The following EXPH5 variants were observed in gnomAD, a reference collection of about 807,000 sequenced individuals.
EXPH5 encodes the protein exophilin-5.
In EXPH5, 42 loss-of-function variants were observed where a neutral mutation model predicts 41.1. That is an observed-to-expected ratio of 1.02 (90% CI 0.80 to 1.32). EXPH5 has a LOEUF of 1.32. EXPH5 is among the 40% of genes most tolerant of loss of function. EXPH5 has a pLI of 0.00. For synonymous variants in EXPH5, 798 were observed against 833.5 expected (o/e 0.96, Z 0.73); for missense variants, 2,298 against 2,314.5 (o/e 0.99, Z 0.15).
rs2093687251 is a variant in EXPH5, at chr11:108,512,160, G to C, written c.3347C>G (p.Pro1116Arg). The part of the protein sequence containing the change: ...GSTSVRKGPL[P>R]FLINRAMSCP... ...TGACATAGCCCTGTTGATGAGGAAT[G>C]GAAGTGGTCCTTTTCTAACGGAAGT... Residue 1116 changes from proline to arginine, a missense_variant, in exon 6 of 6, where the codon CCA becomes CGA. Pro to Arg is a moderately radical substitution (Grantham distance 103, BLOSUM62 -2). Transcript: ENST00000265843. 1 of 1,612,712 alleles carries C rather than the reference G, an allele frequency of 6.2e-7. No homozygotes were observed. The highest frequency in any genetic ancestry group is 8.5e-7 in the Non-Finnish European group (1 of 1,179,520).
At chr11:108,542,624 G>A (rs12269879) in intron 1 of EXPH5, among the ~76,000 whole-genome samples, 4,152 of 152,214 alleles carry the variant, frequency 0.027, 176 homozygotes, top group African/African-American at 0.091. Flanking sequence ...ATTCAACAGT[G>A]AATGTAAAAA....
At chr11:108,603,146 A>G in the EXPH5 span, among the ~76,000 whole-genome samples, 2 of 152,266 alleles carry the variant, frequency 1.3e-5, no homozygotes, top group East Asian at 3.9e-4. Context: ...CTCCCCAGCC[A>G]TGTGGAACTG....
At chr11:108,555,863 G>T (rs565471624) in intron 1 of EXPH5, among the ~76,000 whole-genome samples, 1 of 152,150 alleles carries the variant, frequency 6.6e-6, no homozygotes, top group South Asian at 2.1e-4. Flanking sequence ...ATGCGTAACT[G>T]TGAGTCAATC....
At chr11:108,533,188 G>T (rs570546206) in intron 3 of EXPH5, among the ~76,000 whole-genome samples, 1 of 150,248 alleles carries the variant, frequency 6.7e-6, no homozygotes, top group Non-Finnish European at 1.5e-5. Flanking sequence ...CATTTGTTAG[G>T]TTCTCATGAG....
At chr11:108,594,176 C>A (rs1278341456), upstream of EXPH5, among the ~76,000 whole-genome samples, 1 of 152,188 alleles carries the variant, frequency 6.6e-6, no homozygotes, top group Non-Finnish European at 1.5e-5. Flanking sequence ...AATTACACTA[C>A]TGACTGTGGA....
Position 108,590,244 on chromosome 11 carries a change from G to A in EXPH5, c.119+3174C>T, listed in dbSNP as rs186392656. ...TTTTTTTTTCTGTCATTTTTAAAGG[G>A]GCAGCATGGTATCTCAAGGTTACTT... On this transcript the variant is annotated intron_variant, in intron 1 of 5. Coordinates refer to ENST00000265843, the MANE Select transcript of EXPH5 (RefSeq NM_015065.3). 2.0e-3 allele frequency among the ~76,000 whole-genome samples: 311 copies of A among 152,034 alleles called. 2 individuals are homozygous for A. Among genetic ancestry groups the A allele is most frequent in the African/African-American group, 7.3e-3 (304 of 41,468 alleles).
chr11:108,558,799 A>C (rs1398776881), intron 1 of EXPH5, among the ~76,000 whole-genome samples: 1 of 152,224 alleles, frequency 6.6e-6, no homozygotes, highest in Non-Finnish European at 1.5e-5. Context: ...GGAGGCGGAA[A>C]GTTTACACTG....
Position 108,506,607 on chromosome 11 carries a change from C to A in EXPH5, c.*2930G>T, listed in dbSNP as rs920492158. ...TTTGAAAGCTGATCATTAAAAAAAT[C>A]AAGAACCTCAATATTAAAATATTAA... On this transcript the variant is annotated 3_prime_UTR_variant, in exon 6 of 6. Coordinates refer to ENST00000265843, the MANE Select transcript of EXPH5 (RefSeq NM_015065.3). 6.6e-6 allele frequency: 1 copy of A among 152,050 alleles called. No homozygotes were observed. The highest frequency in any genetic ancestry group is 2.4e-5 in the African/African-American group (1 of 41,408). The allele number at this position is 152,050 out of a possible 1,614,324, so 9.4% of individuals were successfully genotyped here. A position where few individuals can be genotyped will look rare whatever the true frequency, so the allele number is the denominator to read the frequency against.
chr11:108,607,472 C>T, the EXPH5 span, among the ~76,000 whole-genome samples: 1 of 152,140 alleles, frequency 6.6e-6, no homozygotes, highest in Non-Finnish European at 1.5e-5. Flanking sequence ...CTTGTCATTG[C>T]TGGTACTTAC....
intron 3 of EXPH5, among the ~76,000 whole-genome samples, chr11:108,529,308 G>A (rs2093821299): frequency 6.6e-6 from 1 of 152,052 alleles, no homozygotes; most frequent in African/African-American, 2.4e-5. Flanking sequence ...TTAAGGCCTA[G>A]GCCCAGAATT....
chr11:108,576,330 T>C (rs1049214242), intron 1 of EXPH5, among the ~76,000 whole-genome samples: 2 of 152,266 alleles, frequency 1.3e-5, no homozygotes, highest in South Asian at 4.1e-4. Flanking sequence ...AGACAAAAAT[T>C]ATATAATTCC....
chr11:108,580,117 C>T (rs1029818525), intron 1 of EXPH5, among the ~76,000 whole-genome samples: 17 of 152,092 alleles, frequency 1.1e-4, no homozygotes, highest in African/African-American at 4.1e-4. Context: ...AAAAGATAAC[C>T]TGCAGAGTGG....
intron 1 of EXPH5, among the ~76,000 whole-genome samples, chr11:108,543,642 T>C (rs937018601): frequency 1.3e-5 from 2 of 152,210 alleles, no homozygotes; most frequent in African/African-American, 4.8e-5. Flanking sequence ...ATCTGTGAAG[T>C]GGCAGATTTG....
In EXPH5 at chr11:108,510,878, T is replaced by TAATTTGC; in HGVS notation, c.4628_4629insGCAAATT (p.Ser1544GlnfsTer15). The stretch of plus-strand genomic sequence containing the variant: ...TCTCTGTCATATTTGCCTCCTGACT[T>TAATTTGC]CTTTGAGGTAATTCTCTTGGTTCAG... On this transcript the variant is annotated frameshift_variant, in exon 6 of 6. Coordinates refer to ENST00000265843, the MANE Select transcript of EXPH5 (RefSeq NM_015065.3). LOFTEE classifies it low-confidence loss of function (END_TRUNC). The TAATTTGC allele has an allele frequency of 3.1e-6, 5 of 1,614,214 alleles. No homozygotes were observed. Among genetic ancestry groups the TAATTTGC allele is most frequent in the Non-Finnish European group, 4.2e-6 (5 of 1,180,032 alleles).
Position 108,573,139 on chromosome 11 carries a change from G to A in EXPH5, c.119+20279C>T, listed in dbSNP as rs374296776. 3.9e-3 allele frequency among the ~76,000 whole-genome samples: 357 copies of A among 90,388 alleles called. 3 individuals are homozygous for A. Among genetic ancestry groups the A allele is most frequent in the South Asian group, 3.0e-3 (7 of 2,332 alleles). 59.3% of individuals were successfully genotyped at this position (90,388 alleles called of 152,430 possible). A position where few individuals can be genotyped will look rare whatever the true frequency, so the allele number is the denominator to read the frequency against. On this transcript the variant is annotated intron_variant, in intron 1 of 5. Transcript: ENST00000265843. ...AAAAAGAAAAGAAGGAAGGAAAGAA[G>A]GAAAGAAAGAAAGAAAGAAAGAAAG...
chr11:108,548,720 C>T (rs1011495555), intron 1 of EXPH5, among the ~76,000 whole-genome samples: 2 of 152,162 alleles, frequency 1.3e-5, no homozygotes, highest in Non-Finnish European at 2.9e-5. Flanking sequence ...ACCCTACACA[C>T]CCAAGAGCCC....
intron 1 of EXPH5, among the ~76,000 whole-genome samples, chr11:108,572,197 A>C (rs889845629): frequency 1.3e-5 from 2 of 152,226 alleles, no homozygotes; most frequent in Non-Finnish European, 2.9e-5. Context: ...ACCTACACCA[A>C]GTGCGCAGTG....
At chr11:108,522,967 C>T (rs772623436) in intron 4 of EXPH5, among the ~76,000 whole-genome samples, 2 of 151,980 alleles carry the variant, frequency 1.3e-5, no homozygotes, top group African/African-American at 2.4e-5. Flanking sequence ...ACTGTAACCC[C>T]GAACTACTGG....
intron 1 of EXPH5, among the ~76,000 whole-genome samples, chr11:108,546,830 T>A (rs956952903): frequency 6.6e-6 from 1 of 152,138 alleles, no homozygotes; most frequent in Admixed American, 6.5e-5. Context: ...ATTATTTTTT[T>A]TTTTTTCTGT....
Sources: gnomAD v4.1 joint callset for allele counts (sites outside exome capture counted in the v4.1 genomes callset) on GRCh38, gnomAD v4.1.1 for gene constraint, MANE v1.5 for transcripts, NCBI Gene and HGNC (gene_info 2026-07-23, HGNC 2026-07-21) for gene names.